Variants in CCNH observed in about 807,000 individuals in gnomAD.
CCNH encodes the protein cyclin-H.
CCNH carries 31 observed loss-of-function variants against 41.9 expected under a neutral mutation model. The observed-to-expected ratio is 0.74, with a 90% CI of 0.56 to 1.00. The LOEUF (loss-of-function observed/expected upper bound fraction) is 1.00, where lower values mean the gene tolerates loss of function less well. CCNH is among the 50% of genes least tolerant of loss of function. CCNH has a pLI of 0.00. For synonymous variants in CCNH, 138 were observed against 136.1 expected (o/e 1.01, Z -0.10); for missense variants, 362 against 388.4 (o/e 0.93, Z 0.57).
chr5:87,395,866 T>C (rs1762915630), intron 7 of CCNH, among the ~76,000 whole-genome samples: 1 of 151,992 alleles, frequency 6.6e-6, no homozygotes, highest in South Asian at 2.1e-4. Flanking sequence ...GAGAGAAGAC[T>C]TTTTCTCAAA....
At chr5:87,407,872 A>G in intron 4 of CCNH, 104 bp downstream of exon 4, 2 of 825,204 alleles carry the variant, frequency 2.4e-6, no homozygotes, top group Non-Finnish European at 3.9e-6. Context: ...GGTTGTATCC[A>G]TGCTATAACA....
At chr5:87,359,261 G>C (rs1759889749) in intron 9 of CCNH, among the ~76,000 whole-genome samples, 1 of 152,132 alleles carries the variant, frequency 6.6e-6, no homozygotes, top group African/African-American at 2.4e-5. Context: ...CTAGGGAAGA[G>C]CTTGGTTCAA....
intron 9 of CCNH, among the ~76,000 whole-genome samples, chr5:87,369,347 G>C (rs1042130752): frequency 6.6e-6 from 1 of 151,748 alleles, no homozygotes; most frequent in Non-Finnish European, 1.5e-5. Flanking sequence ...ATGAAGAGAT[G>C]ATGTTTCCAT....
intron 6 of CCNH, among the ~76,000 whole-genome samples, chr5:87,400,976 G>A (rs1371412640): frequency 6.6e-6 from 1 of 152,166 alleles, no homozygotes; most frequent in East Asian, 1.9e-4. Context: ...TTTTTGGGCT[G>A]GATAAGTCTT....
downstream of CCNH, chr5:87,390,817 T>A (rs1222454792): frequency 6.2e-7 from 1 of 1,613,202 alleles, no homozygotes; most frequent in East Asian, 2.2e-5. Flanking sequence ...TGAAAAAGCT[T>A]CTGGCTATAA....
downstream of CCNH, chr5:87,374,172 C>G: frequency 6.6e-7 from 1 of 1,508,180 alleles, no homozygotes. Context: ...GGTCAGCAGC[C>G]TTGTTTTACA....
rs1187884375 is a variant in CCNH at position 87,394,429 on chromosome 5, A to AAAT, written c.*14_*16dup. On this transcript the variant is annotated 3_prime_UTR_variant, in exon 9 of 9. Coordinates refer to ENST00000256897, the MANE Select transcript of CCNH (RefSeq NM_001239.4). The stretch of plus-strand genomic sequence containing the variant: ...CTTCTCTTGATTAGTTAGCATTGAG[A>AAAT]AATCAACTTCAAATGGTTAGAGAGA... 6.2e-7 allele frequency: 1 copy of AAAT among 1,611,374 alleles called. No individual in the cohort carries two copies. The highest frequency in any genetic ancestry group is 1.3e-5 in the African/African-American group (1 of 74,904).
chr5:87,411,396 C>G, intron 1 of CCNH, 50 bp from the exon 2 acceptor site: 5 of 1,542,604 alleles, frequency 3.2e-6, no homozygotes, highest in Non-Finnish European at 4.4e-6. Flanking sequence ...ATGAATTAAA[C>G]AATTGTAAAA....
chr5:87,380,410 T>C (rs1761627089), upstream of CCNH: 3 of 1,100,756 alleles, frequency 2.7e-6, no homozygotes, highest in Admixed American at 1.7e-5. Flanking sequence ...GCCAGTTTTA[T>C]TGAACTGTGG....
chr5:87,346,938 C>T (rs895517685), intron 9 of CCNH, among the ~76,000 whole-genome samples: 8 of 151,942 alleles, frequency 5.3e-5, no homozygotes, highest in Non-Finnish European at 1.0e-4. Flanking sequence ...TTACCCCAGG[C>T]CCCTGTCCAC....
chr5:87,370,678 T>G (rs891143386), intron 9 of CCNH, among the ~76,000 whole-genome samples: 2 of 152,138 alleles, frequency 1.3e-5, no homozygotes, highest in African/African-American at 4.8e-5. Flanking sequence ...TTTTTTTGCT[T>G]TCTTTGAACC....
chr5:87,360,805 A>G (rs1760030324), intron 9 of CCNH, among the ~76,000 whole-genome samples: 1 of 152,158 alleles, frequency 6.6e-6, no homozygotes, highest in African/African-American at 2.4e-5. Flanking sequence ...CCATCATGAT[A>G]AGAGTCTAGA....
intron 9 of CCNH, among the ~76,000 whole-genome samples, chr5:87,344,754 A>G (rs1758728987): frequency 6.6e-6 from 1 of 150,422 alleles, no homozygotes; most frequent in East Asian, 2.0e-4. Flanking sequence ...CCTGGCCTCA[A>G]GTGATCCTCC....
intron 9 of CCNH, chr5:87,333,461 T>C: frequency 1.4e-6 from 2 of 1,435,606 alleles, no homozygotes; most frequent in Non-Finnish European, 1.9e-6. Flanking sequence ...GAAAGAGCTT[T>C]TGATATTGGG....
chr5:87,377,645 A>G (rs932743209), upstream of CCNH, among the ~76,000 whole-genome samples: 1 of 151,998 alleles, frequency 6.6e-6, no homozygotes, highest in Admixed American at 6.6e-5. Context: ...TCTTCATTAC[A>G]CAGAAGCTGG....
At chr5:87,401,853 ATCC>A (rs1763444497) in intron 5 of CCNH, 81 bp from the exon 6 acceptor site, 3 of 829,556 alleles carry the variant, frequency 3.6e-6, no homozygotes, top group Non-Finnish European at 1.8e-6. Flanking sequence ...ATTTTCCTCC[ATCC>A]TCATCAAAGG....
downstream of CCNH, chr5:87,389,611 A>T: frequency 6.5e-7 from 1 of 1,535,362 alleles, no homozygotes; most frequent in African/African-American, 1.4e-5. Context: ...TCTGGTTAAC[A>T]TTTTTATCTT....
chr5:87,385,697 CACAA>C (rs930059107), intron 9 of CCNH, among the ~76,000 whole-genome samples: 5 of 151,948 alleles, frequency 3.3e-5, no homozygotes, highest in African/African-American at 2.4e-5. Flanking sequence ...AAATTTATTT[CACAA>C]ACATTCACTG....
At chr5:87,391,468 T>G, downstream of CCNH, 1 of 241,096 alleles carries the variant, frequency 4.1e-6, no homozygotes, top group Non-Finnish European at 8.2e-6. Flanking sequence ...GCTGGAACTG[T>G]TGAAAGAAAA....
Sources: allele counts gnomAD v4.1 joint callset (sites outside exome capture counted in the v4.1 genomes callset), GRCh38; gene constraint gnomAD v4.1.1; transcripts MANE v1.5; gene names NCBI Gene and HGNC (gene_info 2026-07-23, HGNC 2026-07-21).